ABHD2: variants seen among roughly 807,000 people sequenced by gnomAD.
The protein encoded by ABHD2 is abhydrolase domain containing 2, acylglycerol lipase.
Under a neutral mutation model 48.1 loss-of-function variants are expected in ABHD2, and 20 were observed. The ratio of observed to expected loss-of-function variants is 0.42; its 90% CI spans 0.29 to 0.60. ABHD2 has a LOEUF of 0.60. Ranked by LOEUF, ABHD2 falls within the 20% of genes least tolerant of loss-of-function variation. The pLI is 0.24. For synonymous variants in ABHD2, 209 were observed against 214.2 expected (o/e 0.98, Z 0.21); for missense variants, 405 against 550.9 (o/e 0.74, Z 2.65).
chr15:89,100,034 C>A lies in ABHD2; in HGVS notation c.-107+11471C>A, dbSNP rs1032972822. On this transcript the variant is annotated intron_variant, in intron 1 of 10. Transcript: ENST00000352732. The surrounding 1 kb of genome is among the most constrained non-coding windows in gnomAD (Gnocchi z 4.4). ...ATGGTTCACAGATTTAATATTTTGTCTGGGCAGCCGGTAGAGGAGCTTATG... is the reference window on the plus strand; with the variant it reads ...ATGGTTCACAGATTTAATATTTTGTATGGGCAGCCGGTAGAGGAGCTTATG... 1.1e-4 allele frequency among the ~76,000 whole-genome samples: 17 copies of A among 152,102 alleles called. No individual in the cohort carries two copies. Among genetic ancestry groups the A allele is most frequent in the African/African-American group, 4.1e-4 (17 of 41,484 alleles).
At chr15:89,053,859 C>T in the ABHD2 span, among the ~76,000 whole-genome samples, 3 of 152,198 alleles carry the variant, frequency 2.0e-5, no homozygotes, top group Non-Finnish European at 4.4e-5. Context: ...CCAGAGCTCT[C>T]ATTTTCCCAA....
In ABHD2 at chr15:89,185,064, G is replaced by T. The variant is rs1489250007; in HGVS notation, c.723-360G>T. ...CCAGAAAACTTGCCTGCCAGGTAGGGAGCCAAATACAGAAAGTGTTCACAT... is the reference window on the plus strand; with the variant it reads ...CCAGAAAACTTGCCTGCCAGGTAGGTAGCCAAATACAGAAAGTGTTCACAT... On this transcript the variant is annotated intron_variant, in intron 6 of 10. Transcript: ENST00000352732. The surrounding 1 kb of genome is among the most constrained non-coding windows in gnomAD (Gnocchi z 5.9). Among the ~76,000 whole-genome samples the T allele has an allele frequency of 2.6e-5, 4 of 152,184 alleles. No individual in the cohort carries two copies. The highest frequency in any genetic ancestry group is 9.7e-5 in the African/African-American group (4 of 41,442).
rs2049635236 is a variant in ABHD2 at position 89,097,720 on chromosome 15, A to G, written c.-107+9157A>G. ...GAAAACTTCCTCCCAAGAAGCACTC[A>G]ATGTTACTAGTATCTTGTATATTTT... On this transcript the variant is annotated intron_variant, in intron 1 of 10. Transcript: ENST00000352732. This position sits in a 1 kb window ranked among gnomAD's most constrained non-coding sequence, Gnocchi z 4.2. Among the ~76,000 whole-genome samples, 2 of 152,188 alleles carry G rather than the reference A, an allele frequency of 1.3e-5. No individual in the cohort carries two copies. The highest frequency in any genetic ancestry group is 6.5e-5 in the Admixed American group (1 of 15,274).
At chr15:89,154,317 C>T (rs1385014425) in intron 4 of ABHD2, among the ~76,000 whole-genome samples, 1 of 152,166 alleles carries the variant, frequency 6.6e-6, no homozygotes, top group Non-Finnish European at 1.5e-5. Flanking sequence ...ATTTCCCTAC[C>T]AGCATTAAGA....
chr15:89,109,517 C>CCA (rs2049840997), intron 1 of ABHD2, among the ~76,000 whole-genome samples: 2 of 151,832 alleles, frequency 1.3e-5, no homozygotes, highest in Admixed American at 1.3e-4. Context: ...ACCCAGCCCT[C>CCA]CAGCTGTTCT....
Position 89,097,409 on chromosome 15 carries a change from A to C in ABHD2, c.-107+8846A>C, listed in dbSNP as rs1156323987. ...TAATCCTTTAATATCATCAAATATC[A>C]TCATTGTTCAAATTTCCAATTGTTT... On this transcript the variant is annotated intron_variant, in intron 1 of 10. Transcript: ENST00000352732. This position sits in a 1 kb window ranked among gnomAD's most constrained non-coding sequence, Gnocchi z 4.2. Among the ~76,000 whole-genome samples, 1 of 152,228 alleles carries C rather than the reference A, an allele frequency of 6.6e-6. No individual in the cohort carries two copies. The highest frequency in any genetic ancestry group is 6.5e-5 in the Admixed American group (1 of 15,280).
chr15:89,197,935 G>A lies in ABHD2; in HGVS notation c.*2512G>A, dbSNP rs953782360. ...GCTTCAGGCTCTTAGGCATGGAAAT[G>A]AGAATGTGACTGTGGCTGTCTTACA... is the stretch of plus-strand genomic sequence containing the variant. On this transcript the variant is annotated 3_prime_UTR_variant, in exon 11 of 11. Transcript: ENST00000352732. This position sits in a 1 kb window ranked among gnomAD's most constrained non-coding sequence, Gnocchi z 4.4. The A allele has an allele frequency of 1.3e-5, 2 of 152,338 alleles. No homozygotes were observed. The highest frequency in any genetic ancestry group is 3.9e-4 in the East Asian group (2 of 5,184). The allele number at this position is 152,338 out of a possible 1,614,324, so 9.4% of individuals were successfully genotyped here. A position where few individuals can be genotyped will look rare whatever the true frequency, so the allele number is the denominator to read the frequency against.
chr15:89,140,109 T>A (rs1321670006), intron 3 of ABHD2, among the ~76,000 whole-genome samples: 1 of 151,968 alleles, frequency 6.6e-6, no homozygotes, highest in Admixed American at 6.6e-5. Flanking sequence ...GAGGGCAGAG[T>A]GTAAAGTGAC....
intron 3 of ABHD2, among the ~76,000 whole-genome samples, chr15:89,127,147 C>T (rs1049868968): frequency 7.9e-5 from 12 of 152,106 alleles, no homozygotes; most frequent in Non-Finnish European, 1.6e-4. Flanking sequence ...GAGGTAGCTG[C>T]CTGCAGTGTA....
At chr15:89,051,738 C>T in the ABHD2 span, among the ~76,000 whole-genome samples, 2 of 152,198 alleles carry the variant, frequency 1.3e-5, no homozygotes, top group Non-Finnish European at 2.9e-5. Context: ...TGTAAGACAT[C>T]CCTTGCTCTT....
the ABHD2 span, among the ~76,000 whole-genome samples, chr15:89,061,246 C>T: frequency 1.3e-5 from 2 of 152,008 alleles, no homozygotes; most frequent in Non-Finnish European, 2.9e-5. Flanking sequence ...GGTGAAACCC[C>T]ATCTCTACTA....
upstream of ABHD2, chr15:89,088,041 C>G (rs1901429881): frequency 6.6e-6 from 1 of 152,378 alleles, no homozygotes; most frequent in Non-Finnish European, 1.5e-5. The surrounding 1 kb of genome is among the most constrained non-coding windows in gnomAD (Gnocchi z 6.8). Flanking sequence ...CCTCATTCCT[C>G]TGAGCCCAGT....
intron 1 of ABHD2, among the ~76,000 whole-genome samples, chr15:89,101,380 G>A (rs2049697965): frequency 6.6e-6 from 1 of 152,156 alleles, no homozygotes; most frequent in South Asian, 2.1e-4. Context: ...GACAGCCCAG[G>A]CCACAGTGAG....
Position 89,120,339 on chromosome 15 carries a change from A to T in ABHD2, c.194+3818A>T, listed in dbSNP as rs1360896534. On this transcript the variant is annotated intron_variant, in intron 3 of 10. Transcript: ENST00000352732. The surrounding 1 kb of genome is among the most constrained non-coding windows in gnomAD (Gnocchi z 4.2). ...TGAAGTGTTTACTTTTAGTGAAACA[A>T]GCAGACGCCCAGTTCGGAATTATGA... 6.6e-6 allele frequency among the ~76,000 whole-genome samples: 1 copy of T among 152,250 alleles called. No individual in the cohort carries two copies. Among genetic ancestry groups the T allele is most frequent in the Non-Finnish European group, 1.5e-5 (1 of 68,052 alleles).
At position 89,100,862 on chromosome 15, in the gene ABHD2, C is replaced by G. The variant is rs140979813; in HGVS notation, c.-107+12299C>G. 1.3e-4 allele frequency among the ~76,000 whole-genome samples: 19 copies of G among 151,594 alleles called. No homozygotes were observed. Among genetic ancestry groups the G allele is most frequent in the African/African-American group, 3.9e-4 (16 of 41,366 alleles). On this transcript the variant is annotated intron_variant, in intron 1 of 10. Transcript: ENST00000352732. The surrounding 1 kb of genome is among the most constrained non-coding windows in gnomAD (Gnocchi z 4.4). Reference sequence around the variant, plus strand: ...CACCCTGGGCCACAGTGAGAGACTCCATCTCAAAAAAAAAGGAACCTTATT... The same window carrying G: ...CACCCTGGGCCACAGTGAGAGACTCGATCTCAAAAAAAAAGGAACCTTATT...
Position 89,201,810 on chromosome 15 carries a change from A to G in ABHD2, c.*6387A>G. ...CCCGGAGGCAGACGCCATTGGAGAGACAGCGCAGAGCAGGGGGCGGCTTGC... is the reference window on the plus strand; with the variant it reads ...CCCGGAGGCAGACGCCATTGGAGAGGCAGCGCAGAGCAGGGGGCGGCTTGC... On this transcript the variant is annotated 3_prime_UTR_variant, in exon 11 of 11. Transcript: ENST00000352732. The G allele has an allele frequency of 7.4e-7, 1 of 1,344,278 alleles. No individual in the cohort carries two copies. Among genetic ancestry groups the G allele is most frequent in the Non-Finnish European group, 1.1e-6 (1 of 941,830 alleles). 83.3% of individuals were successfully genotyped at this position (1,344,278 alleles called of 1,614,324 possible).
At position 89,189,439 on chromosome 15, in the gene ABHD2, G is replaced by C. The variant is rs925743792; in HGVS notation, c.926+1136G>C. ...GCTCATAAGTTTGAGATTACAGTGA[G>C]CTATGGTCCCAACACTGCACTGGAG... On this transcript the variant is annotated intron_variant, in intron 8 of 10. Coordinates refer to ENST00000352732, the MANE Select transcript of ABHD2 (RefSeq NM_152924.5). The surrounding 1 kb of genome is among the most constrained non-coding windows in gnomAD (Gnocchi z 4.9). 1.6e-4 allele frequency among the ~76,000 whole-genome samples: 24 copies of C among 152,226 alleles called. No homozygotes were observed. The highest frequency in any genetic ancestry group is 5.8e-4 in the African/African-American group (24 of 41,460).
the ABHD2 span, among the ~76,000 whole-genome samples, chr15:89,065,424 A>T: frequency 4.6e-5 from 7 of 152,140 alleles, no homozygotes; most frequent in Admixed American, 3.9e-4. Context: ...ACCACTTGGG[A>T]GGTCCTGACC....
At chr15:89,095,635 G>A (rs748529454) in intron 1 of ABHD2, among the ~76,000 whole-genome samples, 2 of 152,096 alleles carry the variant, frequency 1.3e-5, no homozygotes, top group Non-Finnish European at 2.9e-5. Flanking sequence ...TGGTATGCCC[G>A]GTAATGGCCC....
Sources: gnomAD v4.1 joint callset for allele counts (sites outside exome capture counted in the v4.1 genomes callset) on GRCh38, gnomAD v4.1.1 for gene constraint, Gnocchi (gnomAD v3.1) non-coding constraint, MANE v1.5 for transcripts, NCBI Gene and HGNC (gene_info 2026-07-23, HGNC 2026-07-21) for gene names.